ADPRHL1: variants seen among roughly 807,000 people sequenced by gnomAD.
ADPRHL1 encodes inactive ADP-ribosyltransferase ARH2.
A neutral mutation model predicts 44.1 loss-of-function variants in ADPRHL1; 43 were observed. That is an observed-to-expected ratio of 0.98 (90% CI 0.76 to 1.26). ADPRHL1 has a LOEUF of 1.26. ADPRHL1 is among the 50% of genes most tolerant of loss of function. The pLI, the probability that ADPRHL1 is intolerant of heterozygous loss-of-function variation, is 0.00. For synonymous variants in ADPRHL1, 878 were observed against 1,017.4 expected (o/e 0.86, Z 2.61); for missense variants, 2,022 against 2,496.9 (o/e 0.81, Z 4.05).
At chr13:113,452,416 A>G (rs1250095024) in intron 1 of ADPRHL1, among the ~76,000 whole-genome samples, 5 of 152,220 alleles carry the variant, frequency 3.3e-5, no homozygotes, top group Non-Finnish European at 5.9e-5. Context: ...TGGTGGAGTG[A>G]ACGCATAAGT....
At chr13:113,445,438 C>G (rs972072526) in intron 1 of ADPRHL1, among the ~76,000 whole-genome samples, 9 of 152,264 alleles carry the variant, frequency 5.9e-5, no homozygotes, top group African/African-American at 2.2e-4. Context: ...CAGGCTGTGG[C>G]AGGCGGATGC....
intron 7 of ADPRHL1, among the ~76,000 whole-genome samples, chr13:113,417,053 G>C (rs2043890693): frequency 6.6e-6 from 1 of 152,220 alleles, no homozygotes. Flanking sequence ...ATAGGAGAGA[G>C]AGACAGCAAA....
At position 113,399,933 on chromosome 13, in the gene ADPRHL1, C is replaced by G. The variant is rs577959480; in HGVS notation, c.*3445G>C. 6.6e-6 allele frequency: 1 copy of G among 151,698 alleles called. No homozygotes were observed. The highest frequency in any genetic ancestry group is 1.5e-5 in the Non-Finnish European group (1 of 67,876). 9.4% of individuals were successfully genotyped at this position (151,698 alleles called of 1,614,324 possible). On this transcript the variant is annotated 3_prime_UTR_variant, in exon 8 of 8. Coordinates refer to ENST00000612156, the MANE Select transcript of ADPRHL1 (RefSeq NM_001394807.1). Reference sequence around the variant, plus strand: ...CATGACCACATTCTCGTCGCCGTCTCGGGACCTTCCTGCCGCCTGAGTGCA... The same window carrying G: ...CATGACCACATTCTCGTCGCCGTCTGGGGACCTTCCTGCCGCCTGAGTGCA...
In ADPRHL1 at chr13:113,451,680, C is replaced by G. The variant is rs972014273; in HGVS notation, c.214+1544G>C. ...AAAATCAGCCGGGCGTGGTGGTGGG[C>G]ACCTGTAGCCCCAGCTACTCAGGAG... is the stretch of plus-strand genomic sequence containing the variant. On this transcript the variant is annotated intron_variant, in intron 1 of 7. Coordinates refer to ENST00000612156, the MANE Select transcript of ADPRHL1 (RefSeq NM_001394807.1). 3.3e-5 allele frequency among the ~76,000 whole-genome samples: 5 copies of G among 152,182 alleles called. No individual in the cohort carries two copies. In the East Asian group the frequency reaches 9.7e-4, roughly 29 times the overall value.
At position 113,403,852 on chromosome 13, in the gene ADPRHL1, T is replaced by C; in HGVS notation, c.5430A>G (p.Thr1810=). The part of the protein sequence containing the change: ...AWEQGREQAL[T]SGMAPRAWEQ... ...CCCAGGCCCGAGGCGCCATCCCACTTGTCAAGGCCTGTTCCCGACCCTGTT... is the reference window on the plus strand; with the variant it reads ...CCCAGGCCCGAGGCGCCATCCCACTCGTCAAGGCCTGTTCCCGACCCTGTT... Residue 1810 remains threonine (T), a synonymous_variant, in exon 8 of 8, where the codon ACA becomes ACG. Coordinates refer to ENST00000612156, the MANE Select transcript of ADPRHL1 (RefSeq NM_001394807.1). The C allele has an allele frequency of 1.6e-6, 2 of 1,239,380 alleles. No individual in the cohort carries two copies. The highest frequency in any genetic ancestry group is 2.0e-6 in the Non-Finnish European group (2 of 993,174). The allele number at this position is 1,239,380 out of a possible 1,614,324, so 76.8% of individuals were successfully genotyped here.
chr13:113,423,345 T>C (rs996546443), intron 6 of ADPRHL1, among the ~76,000 whole-genome samples: 1 of 151,482 alleles, frequency 6.6e-6, no homozygotes, highest in Non-Finnish European at 1.5e-5. Flanking sequence ...TGTGAAGCGG[T>C]GTTTCAGCAC....
At chr13:113,442,633 G>A (rs2044107095) in intron 2 of ADPRHL1, among the ~76,000 whole-genome samples, 1 of 152,166 alleles carries the variant, frequency 6.6e-6, no homozygotes, top group African/African-American at 2.4e-5. Context: ...GATTCTTCTT[G>A]AGTATTACTT....
chr13:113,405,397 C>T lies in ADPRHL1; in HGVS notation c.3885G>A (p.Gln1295=). The change falls in exon 8 of 8, where the codon CAG becomes CAA. Residue 1295 remains glutamine, a synonymous_variant. Coordinates refer to ENST00000612156, the MANE Select transcript of ADPRHL1 (RefSeq NM_001394807.1). ...GLPPSPPENP[Q]AKGREGVRFP... is the part of the protein sequence containing the mutation. Reference sequence around the variant, plus strand: ...ACCTGACGCCCTCCCTGCCCTTTGCCTGTGGGTTCTCAGGAGGCGACGGCG... The same window carrying T: ...ACCTGACGCCCTCCCTGCCCTTTGCTTGTGGGTTCTCAGGAGGCGACGGCG... The T allele has an allele frequency of 2.4e-6, 3 of 1,231,968 alleles. No homozygotes were observed. The South Asian group carries it at 1.2e-4, about 51-fold the overall frequency. The allele number at this position is 1,231,968 out of a possible 1,614,324, so 76.3% of individuals were successfully genotyped here. A position where few individuals can be genotyped will look rare whatever the true frequency, so the allele number is the denominator to read the frequency against.
Position 113,444,580 on chromosome 13 carries a change from C to T in ADPRHL1, c.224G>A (p.Cys75Tyr), listed in dbSNP as rs935531825. The T allele has an allele frequency of 6.2e-7, 1 of 1,613,588 alleles. No homozygotes were observed. Among genetic ancestry groups the T allele is most frequent in the Admixed American group, 1.7e-5 (1 of 59,998 alleles). The change falls in exon 2 of 8, where the codon TGC becomes TAC. Residue 75 changes from cysteine (C) to tyrosine (Y), a missense_variant. Around this residue, in one of 8 missense-constraint regions of ADPRHL1, gnomAD observed 437 missense variants for 430.7 expected, o/e 1.01. Coordinates refer to ENST00000612156, the MANE Select transcript of ADPRHL1 (RefSeq NM_001394807.1). ...TAEALTTDYW[C>Y]LDDLYREMVR... ...CATCTCCCGGTACAGATCATCCAGGCACCAGTAGTCTGCGGAAGAAAGGGA... is the reference window on the plus strand; with the variant it reads ...CATCTCCCGGTACAGATCATCCAGGTACCAGTAGTCTGCGGAAGAAAGGGA...
intron 2 of ADPRHL1, among the ~76,000 whole-genome samples, chr13:113,436,414 AGGGT>A (rs1226101876): frequency 1.0e-3 from 12 of 11,828 alleles, no homozygotes; most frequent in East Asian, 3.3e-3. Context: ...ACCCAGGTGT[AGGGT>A]GAACATAGGT....
chr13:113,407,696 T>C lies in ADPRHL1; in HGVS notation c.1586A>G (p.Glu529Gly). The part of the protein sequence containing the change: ...EKEAREKPPV[E>G]RPKAARGLLP... ...GAGGCCCCTGGCGGCTTTGGGCCGC[T>C]CCACAGGGGGCTTCTCGCGTGCTTC... Residue 529 changes from glutamate (E) to glycine (G), a missense_variant, in exon 8 of 8, where the codon GAG becomes GGG. Glu to Gly is a moderately conservative substitution (Grantham distance 98). Coordinates refer to ENST00000612156, the MANE Select transcript of ADPRHL1 (RefSeq NM_001394807.1). 1 of 1,232,064 alleles carries C rather than the reference T, an allele frequency of 8.1e-7. No homozygotes were observed. The highest frequency in any genetic ancestry group is 1.0e-6 in the Non-Finnish European group (1 of 988,002). The allele number at this position is 1,232,064 out of a possible 1,614,324, so 76.3% of individuals were successfully genotyped here.
intron 7 of ADPRHL1, among the ~76,000 whole-genome samples, chr13:113,415,749 T>TTAAAAAAA (rs2043883936): frequency 4.4e-5 from 1 of 22,662 alleles, no homozygotes; most frequent in African/African-American, 2.2e-4. Flanking sequence ...AGACTCCATC[T>TTAAAAAAA]CAAAAAAAAA....
chr13:113,441,111 C>T lies in ADPRHL1; in HGVS notation c.379+3314G>A, dbSNP rs1195274410. 6.6e-6 allele frequency among the ~76,000 whole-genome samples: 1 copy of T among 152,128 alleles called. No homozygotes were observed. Among genetic ancestry groups the T allele is most frequent in the East Asian group, 1.9e-4 (1 of 5,186 alleles). ...GAGGTTGCAGTGAGCCAAAATTGCG[C>T]CACTGCACTCCAATCTGGGCGACAG... On this transcript the variant is annotated intron_variant, in intron 2 of 7. Coordinates refer to ENST00000612156, the MANE Select transcript of ADPRHL1 (RefSeq NM_001394807.1). This position sits in a 1 kb window ranked among gnomAD's most constrained non-coding sequence, Gnocchi z 6.0.
At chr13:113,423,417 C>T (rs967508450) in intron 6 of ADPRHL1, among the ~76,000 whole-genome samples, 3 of 152,202 alleles carry the variant, frequency 2.0e-5, no homozygotes, top group African/African-American at 4.8e-5. Flanking sequence ...AGCCCGAGGC[C>T]GCATGGTCCC....
intron 7 of ADPRHL1, among the ~76,000 whole-genome samples, chr13:113,411,526 C>T (rs112348883): frequency 4.6e-5 from 7 of 152,364 alleles, no homozygotes; most frequent in East Asian, 1.9e-4. Flanking sequence ...CAGCAACCAG[C>T]GGTGAGCGTG....
chr13:113,409,285 G>T lies in ADPRHL1; in HGVS notation c.1062-1065C>A. 2 of 985,242 alleles carry T rather than the reference G, an allele frequency of 2.0e-6. No homozygotes were observed. Among genetic ancestry groups the T allele is most frequent in the Non-Finnish European group, 2.4e-6 (2 of 829,816 alleles). 61.0% of individuals were successfully genotyped at this position (985,242 alleles called of 1,614,324 possible). ...GAAGGTCTCCCCATCTGTGGCAGGG[G>T]GTGGAGCCGTCTCTGACCTCCCCAG... On this transcript the variant is annotated intron_variant, in intron 7 of 7. Transcript: ENST00000612156. This position sits in a 1 kb window ranked among gnomAD's most constrained non-coding sequence, Gnocchi z 4.2.
At chr13:113,412,434 T>C (rs2043859103) in intron 7 of ADPRHL1, among the ~76,000 whole-genome samples, 1 of 152,218 alleles carries the variant, frequency 6.6e-6, no homozygotes, top group Non-Finnish European at 1.5e-5. Context: ...TGCCTCGGCC[T>C]CCCAAAGTGC....
chr13:113,430,825 T>A (rs188808496), intron 3 of ADPRHL1, among the ~76,000 whole-genome samples: 1 of 151,930 alleles, frequency 6.6e-6, no homozygotes, highest in African/African-American at 2.4e-5. Flanking sequence ...GTGCTGCCGA[T>A]GGGAGCAGCT....
At chr13:113,421,990 A>G (rs758700774) in intron 7 of ADPRHL1, 1 of 152,270 alleles carries the variant, frequency 6.6e-6, no homozygotes, top group Non-Finnish European at 1.5e-5. Context: ...GCATGGAAAA[A>G]TCACGTCCAA....
Sources: gnomAD v4.1 joint callset for allele counts (sites outside exome capture counted in the v4.1 genomes callset) on GRCh38, gnomAD v4.1.1 for gene constraint, gnomAD v4.1.1 regional missense constraint, Gnocchi (gnomAD v3.1) non-coding constraint, MANE v1.5 for transcripts, NCBI Gene and HGNC (gene_info 2026-07-23, HGNC 2026-07-21) for gene names.